PAFAH1B2: variants seen among roughly 807,000 people sequenced by gnomAD.
The protein encoded by PAFAH1B2 is platelet activating factor acetylhydrolase 1b catalytic subunit 2.
PAFAH1B2 carries 8 observed loss-of-function variants against 28.0 expected under a neutral mutation model. The ratio of observed to expected loss-of-function variants is 0.29; its 90% CI spans 0.17 to 0.52. The LOEUF (loss-of-function observed/expected upper bound fraction) is 0.52. Ranked by LOEUF, PAFAH1B2 falls within the 20% of genes least tolerant of loss-of-function variation. The probability of loss-of-function intolerance (pLI) is 0.97; values close to 1 mark genes in which losing one functional copy is unlikely to be tolerated. For missense variants in PAFAH1B2, 190 were observed against 282.6 expected (o/e 0.67, Z 2.35); for synonymous variants, 104 against 103.2 (o/e 1.01, Z -0.05).
At chr11:117,144,706 A>G (rs1008836473) in intron 1 of PAFAH1B2, among the ~76,000 whole-genome samples, 1 of 151,872 alleles carries the variant, frequency 6.6e-6, no homozygotes, top group Admixed American at 6.5e-5. Context: ...CGGCGCCTCC[A>G]CGGCCTTTCC....
At chr11:117,150,990 A>G (rs1320843817) in intron 1 of PAFAH1B2, among the ~76,000 whole-genome samples, 3 of 116,670 alleles carry the variant, frequency 2.6e-5, no homozygotes, top group Admixed American at 8.0e-5. Context: ...TCCATCTCAG[A>G]AAAAAAAAAA....
chr11:117,177,223 T>C (rs747701159), downstream of PAFAH1B2, among the ~76,000 whole-genome samples: 10 of 152,038 alleles, frequency 6.6e-5, no homozygotes, highest in Non-Finnish European at 1.5e-4. Flanking sequence ...CCCCGGCAGA[T>C]AAAAAAGCAA....
intron 5 of PAFAH1B2, among the ~76,000 whole-genome samples, chr11:117,167,149 T>G (rs1054119361): frequency 2.0e-5 from 3 of 152,094 alleles, no homozygotes; most frequent in African/African-American, 7.3e-5. Context: ...TCTGAAGCTC[T>G]AGGAAGAGAT....
chr11:117,148,404 G>A (rs1214895404), intron 1 of PAFAH1B2, among the ~76,000 whole-genome samples: 1 of 152,090 alleles, frequency 6.6e-6, no homozygotes, highest in Non-Finnish European at 1.5e-5. Context: ...TCAAGAGTAG[G>A]CTTTGGAAGT....
rs1956579118 is a variant in PAFAH1B2, at chr11:117,168,729, CATT to C, written c.*1034_*1036del. 9.5e-7 allele frequency: 1 copy of C among 1,048,708 alleles called. No homozygotes were observed. The highest frequency in any genetic ancestry group is 1.2e-6 in the Non-Finnish European group (1 of 865,936). 65.0% of individuals were successfully genotyped at this position (1,048,708 alleles called of 1,614,324 possible). A position where few individuals can be genotyped will look rare whatever the true frequency, so the allele number is the denominator to read the frequency against. The stretch of plus-strand genomic sequence containing the variant: ...TTGTTTCCCATTCCATAGCACCTGA[CATT>C]ATTTCAAGTTTTATAATATCTTAAG... On this transcript the variant is annotated 3_prime_UTR_variant, in exon 6 of 6. Coordinates refer to ENST00000527958, the MANE Select transcript of PAFAH1B2 (RefSeq NM_002572.4).
downstream of PAFAH1B2, chr11:117,175,178 T>G: frequency 8.8e-7 from 1 of 1,139,168 alleles, no homozygotes; most frequent in African/African-American, 1.6e-5. Flanking sequence ...AGGGTTGAGC[T>G]CTTTGTATAT....
intron 2 of PAFAH1B2, among the ~76,000 whole-genome samples, chr11:117,155,753 C>G (rs1412080001): frequency 1.3e-5 from 2 of 152,102 alleles, no homozygotes; most frequent in Admixed American, 6.6e-5. Context: ...ACTGGCAAGT[C>G]TGTCCACAGG....
rs1047292133 is a variant in PAFAH1B2, at chr11:117,164,026, C to A, written c.411+134C>A. ...TTTATCATACTTTCGTTGACCTCTTCTTTAATGTATTTTACTGTCTTACTG... is the reference window on the plus strand; with the variant it reads ...TTTATCATACTTTCGTTGACCTCTTATTTAATGTATTTTACTGTCTTACTG... On this transcript the variant is annotated intron_variant, in intron 5 of 5. Coordinates refer to ENST00000527958, the MANE Select transcript of PAFAH1B2 (RefSeq NM_002572.4). The A allele has an allele frequency of 5.9e-6, 5 of 843,290 alleles. No homozygotes were observed. The African/African-American group carries it at 8.5e-5, about 14-fold the overall frequency. The allele number at this position is 843,290 out of a possible 1,614,324, so 52.2% of individuals were successfully genotyped here.
At chr11:117,166,951 T>A (rs1956525651) in intron 5 of PAFAH1B2, among the ~76,000 whole-genome samples, 1 of 152,100 alleles carries the variant, frequency 6.6e-6, no homozygotes, top group African/African-American at 2.4e-5. Flanking sequence ...AAAATGACAT[T>A]TAGGATGCAA....
chr11:117,154,970 G>T (rs1179145895), intron 2 of PAFAH1B2, among the ~76,000 whole-genome samples: 1 of 152,034 alleles, frequency 6.6e-6, no homozygotes, highest in African/African-American at 2.4e-5. Flanking sequence ...GATATTTTGC[G>T]TAATAAAAAG....
At chr11:117,172,394 ATATATATATATTTTTTTTTTTTTTT>A (rs1956688606), downstream of PAFAH1B2, among the ~76,000 whole-genome samples, 2 of 2,148 alleles carry the variant, frequency 9.3e-4, no homozygotes, top group African/African-American at 1.4e-3. Flanking sequence ...ATATATATAT[ATATATATATATTTTTTTTTTTTTTT>A]TTTTTTTTTT....
chr11:117,166,291 A>T (rs1956508997), intron 5 of PAFAH1B2, among the ~76,000 whole-genome samples: 1 of 152,236 alleles, frequency 6.6e-6, no homozygotes, highest in Non-Finnish European at 1.5e-5. Context: ...TTGTGTTAAG[A>T]GTCCACCTGT....
intron 1 of PAFAH1B2, among the ~76,000 whole-genome samples, chr11:117,146,699 AC>A (rs1346674478): frequency 2.0e-5 from 3 of 152,190 alleles, no homozygotes; most frequent in Non-Finnish European, 2.9e-5. Context: ...GGGGTAAAAA[AC>A]AAAAAACAAA....
At chr11:117,149,429 C>CTTTTTTTTTT (rs1565260556) in intron 1 of PAFAH1B2, among the ~76,000 whole-genome samples, 2 of 33,516 alleles carry the variant, frequency 6.0e-5, no homozygotes, top group African/African-American at 1.1e-4. Flanking sequence ...GTTTTCTAAT[C>CTTTTTTTTTT]GTTTTTTTTT....
At chr11:117,156,087 C>T (rs1956248845) in intron 2 of PAFAH1B2, among the ~76,000 whole-genome samples, 1 of 151,862 alleles carries the variant, frequency 6.6e-6, no homozygotes, top group South Asian at 2.1e-4. Flanking sequence ...TACTGGGGGG[C>T]CAAGGCAGGA....
At chr11:117,171,792 C>T, downstream of PAFAH1B2, 1 of 1,445,672 alleles carries the variant, frequency 6.9e-7, no homozygotes, top group Non-Finnish European at 9.4e-7. Flanking sequence ...CTAAAAGTTT[C>T]TGTGATCTTT....
At chr11:117,148,056 C>CTTTTTTTTTTTTTTTTTT (rs201878667) in intron 1 of PAFAH1B2, among the ~76,000 whole-genome samples, 1 of 129,570 alleles carries the variant, frequency 7.7e-6, no homozygotes, top group Non-Finnish European at 1.7e-5. Flanking sequence ...TTTTTTTTTT[C>CTTTTTTTTTTTTTTTTTT]TTTTTTTTTT....
chr11:117,167,711 C>A lies in PAFAH1B2; in HGVS notation c.*12C>A. ...CCACCATTGCCTGACTGGCTCTTAT[C>A]AGTGTTAATAGCATCTCAGCTTCCT... On this transcript the variant is annotated 3_prime_UTR_variant, in exon 6 of 6. Coordinates refer to ENST00000527958, the MANE Select transcript of PAFAH1B2 (RefSeq NM_002572.4). The A allele has an allele frequency of 6.5e-7, 1 of 1,527,458 alleles. No homozygotes were observed. The highest frequency in any genetic ancestry group is 1.3e-5 in the South Asian group (1 of 74,730). 94.6% of individuals were successfully genotyped at this position (1,527,458 alleles called of 1,614,324 possible).
chr11:117,168,124 A>T lies in PAFAH1B2; in HGVS notation c.*425A>T. On this transcript the variant is annotated 3_prime_UTR_variant, in exon 6 of 6. Coordinates refer to ENST00000527958, the MANE Select transcript of PAFAH1B2 (RefSeq NM_002572.4). ...AAAACATGTTTTCTCCAATTTTTTT[A>T]AGGTTCATAATTTAGCCTTTTGTTT... 1 of 1,053,336 alleles carries T rather than the reference A, an allele frequency of 9.5e-7. No individual in the cohort carries two copies. Among genetic ancestry groups the T allele is most frequent in the Non-Finnish European group, 1.1e-6 (1 of 870,548 alleles). The allele number at this position is 1,053,336 out of a possible 1,614,324, so 65.2% of individuals were successfully genotyped here. A position where few individuals can be genotyped will look rare whatever the true frequency, so the allele number is the denominator to read the frequency against.
Sources: allele counts gnomAD v4.1 joint callset (sites outside exome capture counted in the v4.1 genomes callset), GRCh38; gene constraint gnomAD v4.1.1; transcripts MANE v1.5; gene names NCBI Gene and HGNC (gene_info 2026-07-23, HGNC 2026-07-21).